AGBL4: variants seen among roughly 807,000 people sequenced by gnomAD.
AGBL4 encodes AGBL carboxypeptidase 4.
In AGBL4, 58 loss-of-function variants were observed where a neutral mutation model predicts 66.4. The observed-to-expected ratio is 0.87, with a 90% CI of 0.71 to 1.09. The LOEUF (loss-of-function observed/expected upper bound fraction) is 1.09, where lower values mean the gene tolerates loss of function less well. Among genes scored for constraint, AGBL4 ranks in the 50% least tolerant of loss-of-function variants. The probability of loss-of-function intolerance (pLI) is 0.00; values close to 1 mark genes in which losing one functional copy is unlikely to be tolerated. For synonymous variants in AGBL4, 234 were observed against 222.9 expected (o/e 1.05, Z -0.44); for missense variants, 579 against 631.0 (o/e 0.92, Z 0.88).
chr1:49,273,295 A>G (rs532593625), intron 3 of AGBL4, among the ~76,000 whole-genome samples: 1 of 152,210 alleles, frequency 6.6e-6, no homozygotes. Flanking sequence ...AGTTAACATC[A>G]TAAGTAATAT....
At chr1:49,105,351 C>A (rs532531246) in intron 4 of AGBL4, among the ~76,000 whole-genome samples, 3 of 152,098 alleles carry the variant, frequency 2.0e-5, no homozygotes, top group Non-Finnish European at 4.4e-5. Context: ...TCTCTGAGAG[C>A]CTGTAGGATC....
At chr1:49,118,056 A>G (rs938246057) in intron 4 of AGBL4, among the ~76,000 whole-genome samples, 3 of 152,222 alleles carry the variant, frequency 2.0e-5, no homozygotes, top group Non-Finnish European at 2.9e-5. Flanking sequence ...TGATTTTTGC[A>G]CATGGATTTT....
At chr1:49,235,539 G>A (rs1237041645) in intron 4 of AGBL4, among the ~76,000 whole-genome samples, 5 of 152,188 alleles carry the variant, frequency 3.3e-5, no homozygotes, top group African/African-American at 7.2e-5. Context: ...GCTCTGTTGT[G>A]TACTTACTTG....
At chr1:49,625,417 T>C (rs895534836) in intron 3 of AGBL4, among the ~76,000 whole-genome samples, 3 of 152,150 alleles carry the variant, frequency 2.0e-5, no homozygotes, top group African/African-American at 7.2e-5. Flanking sequence ...CTGAAAGGTA[T>C]CTCCATGTGT....
chr1:49,607,253 C>A (rs952349395), intron 3 of AGBL4, among the ~76,000 whole-genome samples: 2 of 152,204 alleles, frequency 1.3e-5, no homozygotes, highest in South Asian at 4.1e-4. Flanking sequence ...CACCTAGGAT[C>A]CAGCTTTATT....
chr1:48,839,580 T>C (rs1193134453), intron 6 of AGBL4, among the ~76,000 whole-genome samples: 1 of 152,008 alleles, frequency 6.6e-6, no homozygotes, highest in Non-Finnish European at 1.5e-5. Context: ...GAAAGGTTAG[T>C]GGAGAGGGGA....
intron 4 of AGBL4, among the ~76,000 whole-genome samples, chr1:49,051,229 AG>A (rs2147888642): frequency 6.6e-6 from 1 of 152,294 alleles, no homozygotes; most frequent in South Asian, 2.1e-4. Flanking sequence ...GTCTTAAAAA[AG>A]GTGTGCAAAA....
rs532164127 is a variant in AGBL4, at chr1:49,457,430, G to T, written c.283-211566C>A. 2.4e-4 allele frequency among the ~76,000 whole-genome samples: 37 copies of T among 151,600 alleles called. 2 individuals are homozygous for T. The highest frequency in any genetic ancestry group is 1.4e-3 in the Admixed American group (21 of 15,206). ...AGATTGTTTTTGTTCTTGCTGATTT[G>T]TTTGAATTCTATGTATATTCTGGAT... On this transcript the variant is annotated intron_variant, in intron 3 of 13. Coordinates refer to ENST00000371839, the MANE Select transcript of AGBL4 (RefSeq NM_032785.4).
At chr1:49,070,436 C>A (rs1226230029) in intron 4 of AGBL4, among the ~76,000 whole-genome samples, 1 of 151,900 alleles carries the variant, frequency 6.6e-6, no homozygotes, top group Non-Finnish European at 1.5e-5. Context: ...CAGTTTTTAG[C>A]ATGAAGGGCT....
chr1:49,379,164 C>T (rs1644537307), intron 3 of AGBL4, among the ~76,000 whole-genome samples: 1 of 152,082 alleles, frequency 6.6e-6, no homozygotes, highest in Non-Finnish European at 1.5e-5. Context: ...TCAGAATTCT[C>T]ATCCTGAAAA....
chr1:49,798,729 A>G lies in AGBL4; in HGVS notation c.157+52667T>C, dbSNP rs370643311. On this transcript the variant is annotated intron_variant, in intron 2 of 13. Transcript: ENST00000371839. ...TTGCAATGCATCCAAAGAACTTTCT[A>G]TATGACAATTGCAGTGTTATAGTCA... 1.4e-3 allele frequency among the ~76,000 whole-genome samples: 217 copies of G among 152,302 alleles called. 1 individual carries two copies. Among genetic ancestry groups the G allele is most frequent in the African/African-American group, 4.8e-3 (198 of 41,582 alleles).
At chr1:49,735,034 G>T (rs1223500952) in intron 2 of AGBL4, among the ~76,000 whole-genome samples, 1 of 152,048 alleles carries the variant, frequency 6.6e-6, no homozygotes, top group Non-Finnish European at 1.5e-5. Flanking sequence ...GTCTTTCCAA[G>T]AAATGGTGCC....
At position 49,458,530 on chromosome 1, in the gene AGBL4, T is replaced by G. The variant is rs190630467; in HGVS notation, c.283-212666A>C. Among the ~76,000 whole-genome samples, 75 of 151,870 alleles carry G rather than the reference T, an allele frequency of 4.9e-4. 1 individual carries two copies. The highest frequency in any genetic ancestry group is 1.6e-3 in the African/African-American group (66 of 41,528). On this transcript the variant is annotated intron_variant, in intron 3 of 13. Coordinates refer to ENST00000371839, the MANE Select transcript of AGBL4 (RefSeq NM_032785.4). The stretch of plus-strand genomic sequence containing the variant: ...CAATCTGACTTCCTCTTTACTGATC[T>G]GGATGCCTTTTACTTCCTTCTCTTG...
intron 2 of AGBL4, among the ~76,000 whole-genome samples, chr1:49,737,488 A>G (rs1005273405): frequency 6.6e-5 from 10 of 152,218 alleles, no homozygotes; most frequent in African/African-American, 2.2e-4. Context: ...TTGGGTACGC[A>G]TGGACATAAA....
chr1:49,709,876 T>G (rs1226783283), intron 2 of AGBL4, among the ~76,000 whole-genome samples: 2 of 151,940 alleles, frequency 1.3e-5, no homozygotes, highest in South Asian at 2.1e-4. Context: ...ACAATGAATA[T>G]CAAAACCAAA....
At chr1:49,994,846 C>A in intron 1 of AGBL4, 1 of 319,242 alleles carries the variant, frequency 3.1e-6, no homozygotes, top group South Asian at 2.7e-5. Flanking sequence ...ACATCCACCC[C>A]CCTCCCAATA....
At chr1:48,748,998 C>T (rs1651222794) in intron 6 of AGBL4, among the ~76,000 whole-genome samples, 1 of 152,022 alleles carries the variant, frequency 6.6e-6, no homozygotes, top group African/African-American at 2.4e-5. Flanking sequence ...GGAATCTGAA[C>T]CACAGAGCAG....
intron 3 of AGBL4, among the ~76,000 whole-genome samples, chr1:49,538,165 C>T (rs954432476): frequency 1.3e-5 from 2 of 152,126 alleles, no homozygotes; most frequent in Non-Finnish European, 2.9e-5. Context: ...TTTATCACAG[C>T]ACTATTCATA....
intron 6 of AGBL4, among the ~76,000 whole-genome samples, chr1:48,810,194 C>T (rs1217395034): frequency 6.6e-6 from 1 of 152,156 alleles, no homozygotes; most frequent in African/African-American, 2.4e-5. Context: ...ACACACAGCC[C>T]CTGTGCTTGA....
Sources: gnomAD v4.1 joint callset for allele counts (sites outside exome capture counted in the v4.1 genomes callset) on GRCh38, gnomAD v4.1.1 for gene constraint, MANE v1.5 for transcripts, NCBI Gene and HGNC (gene_info 2026-07-23, HGNC 2026-07-21) for gene names.